Variants in FYN observed in about 807,000 individuals in gnomAD.
FYN encodes the protein FYN proto-oncogene, Src family tyrosine kinase, also known as tyrosine-protein kinase Fyn.
Under a neutral mutation model 70.2 loss-of-function variants are expected in FYN, and 10 were observed. That is an observed-to-expected ratio of 0.14 (90% confidence interval 0.09 to 0.24). The LOEUF is 0.24. Among genes scored for constraint, FYN ranks in the 10% least tolerant of loss-of-function variants. The pLI, the probability that FYN is intolerant of heterozygous loss-of-function variation, is 1.00. For missense variants in FYN, 319 were observed against 673.1 expected (o/e 0.47, Z 5.82); for synonymous variants, 236 against 248.6 (o/e 0.95, Z 0.48).
At chr6:111,795,403 G>A (rs759597540) in intron 2 of FYN, among the ~76,000 whole-genome samples, 3 of 152,154 alleles carry the variant, frequency 2.0e-5, no homozygotes, top group Non-Finnish European at 4.4e-5. Flanking sequence ...CTTTGATCTC[G>A]GACTTTTAAC....
intron 1 of FYN, among the ~76,000 whole-genome samples, chr6:111,869,030 T>C (rs1774193677): frequency 6.6e-6 from 1 of 152,362 alleles, no homozygotes; most frequent in East Asian, 1.9e-4. Flanking sequence ...ACTAGGCTAA[T>C]GTCTGCAGAA....
chr6:111,685,792 C>T (rs1998038), intron 12 of FYN, among the ~76,000 whole-genome samples: 57,337 of 152,016 alleles, frequency 0.38, 11,755 homozygotes, highest in Admixed American at 0.49. Flanking sequence ...CATAAACAAC[C>T]ATCAAAAGGC....
At chr6:111,672,764 G>A (rs1445144388) in intron 13 of FYN, among the ~76,000 whole-genome samples, 5 of 152,140 alleles carry the variant, frequency 3.3e-5, no homozygotes, top group South Asian at 4.1e-4. Context: ...CTATCTCCCC[G>A]ATAGAGGAAA....
intron 13 of FYN, among the ~76,000 whole-genome samples, chr6:111,673,413 A>T (rs1798384752): frequency 6.6e-6 from 1 of 152,120 alleles, no homozygotes; most frequent in African/African-American, 2.4e-5. Flanking sequence ...TAGGAGTCTC[A>T]AGGCTACACC....
intron 12 of FYN, among the ~76,000 whole-genome samples, chr6:111,682,952 GC>G (rs2128419621): frequency 6.6e-6 from 1 of 152,294 alleles, no homozygotes; most frequent in Non-Finnish European, 1.5e-5. Context: ...AGTTGCACTG[GC>G]AAATGCCATC....
At chr6:111,852,934 C>T (rs751481329) in intron 1 of FYN, among the ~76,000 whole-genome samples, 2 of 152,160 alleles carry the variant, frequency 1.3e-5, no homozygotes, top group Admixed American at 6.5e-5. Flanking sequence ...AACAGTAGCA[C>T]GTTCCACAAA....
At chr6:111,699,830 C>T in intron 9 of FYN, 1 of 743,728 alleles carries the variant, frequency 1.3e-6, no homozygotes. Flanking sequence ...CTGGAACATT[C>T]CTTGGACCAT....
intron 3 of FYN, among the ~76,000 whole-genome samples, chr6:111,748,561 C>T (rs1257061424): frequency 6.6e-6 from 1 of 152,170 alleles, no homozygotes; most frequent in Non-Finnish European, 1.5e-5. Flanking sequence ...GGTTAGGGGC[C>T]TGTGGTTTGG....
intron 2 of FYN, among the ~76,000 whole-genome samples, chr6:111,807,896 TC>T (rs1274971237): frequency 6.6e-6 from 1 of 151,992 alleles, no homozygotes; most frequent in Non-Finnish European, 1.5e-5. Flanking sequence ...AATCACAAGG[TC>T]AGGAGTTCAA....
intron 2 of FYN, among the ~76,000 whole-genome samples, chr6:111,837,477 G>A (rs898774423): frequency 2.6e-5 from 4 of 152,024 alleles, no homozygotes; most frequent in African/African-American, 7.2e-5. Flanking sequence ...AAAACAATAC[G>A]GACAGGTGCC....
intron 2 of FYN, among the ~76,000 whole-genome samples, chr6:111,830,695 G>A (rs1253161701): frequency 1.3e-5 from 2 of 151,978 alleles, no homozygotes; most frequent in African/African-American, 4.8e-5. Context: ...TTGTTCCAAG[G>A]GAACTGTCTA....
At chr6:111,699,913 C>CT (rs71021861) in intron 9 of FYN, 191 bp downstream of exon 9, 5,742 of 186,112 alleles carry the variant, frequency 0.031, 52 homozygotes, top group African/African-American at 0.037. Flanking sequence ...CACTTACTAT[C>CT]TTTTTTTTTT....
rs372473773 is a variant in FYN, at chr6:111,844,162, C to A, written c.-82+2427G>T. On this transcript the variant is annotated intron_variant, in intron 2 of 13. Transcript: ENST00000354650. ...AACATAGATGATATAAAGCACTCTG[C>A]ATAGCAGAAGTTCAATAAACCATAG... Among the ~76,000 whole-genome samples the A allele has an allele frequency of 5.6e-4, 85 of 152,302 alleles. 1 individual carries two copies. The highest frequency in any genetic ancestry group is 1.9e-3 in the African/African-American group (81 of 41,560).
At chr6:111,738,829 A>G (rs1801820038) in intron 3 of FYN, among the ~76,000 whole-genome samples, 1 of 152,196 alleles carries the variant, frequency 6.6e-6, no homozygotes, top group African/African-American at 2.4e-5. Context: ...GCTGGCCTTT[A>G]TTAAGCAATA....
At chr6:111,776,848 C>T (rs1770962365) in intron 3 of FYN, among the ~76,000 whole-genome samples, 1 of 152,190 alleles carries the variant, frequency 6.6e-6, no homozygotes, top group African/African-American at 2.4e-5. Context: ...TATTAGGCTA[C>T]AAAAGCTCTC....
At chr6:111,711,529 C>T (rs1800379048) in intron 5 of FYN, among the ~76,000 whole-genome samples, 2 of 152,198 alleles carry the variant, frequency 1.3e-5, no homozygotes, top group South Asian at 2.1e-4. Flanking sequence ...GCAGGAACAC[C>T]GCCTCTGGGT....
intron 12 of FYN, among the ~76,000 whole-genome samples, chr6:111,678,105 AAT>A (rs750702875): frequency 0.042 from 2,525 of 59,570 alleles, 50 homozygotes; most frequent in African/African-American, 0.14. Flanking sequence ...CGAAGGCCAT[AAT>A]ATGTGTGTGT....
At chr6:111,671,101 C>T (rs1402295816) in intron 13 of FYN, among the ~76,000 whole-genome samples, 2 of 152,190 alleles carry the variant, frequency 1.3e-5, no homozygotes, top group Non-Finnish European at 2.9e-5. Flanking sequence ...TTACACATCT[C>T]GAAAGCAACC....
intron 2 of FYN, among the ~76,000 whole-genome samples, chr6:111,834,242 G>GGTTGTGAGGAAAGAGAAAACACAGTAGGC (rs1773109104): frequency 6.6e-6 from 1 of 152,086 alleles, no homozygotes; most frequent in Non-Finnish European, 1.5e-5. Context: ...ACTCACAGGG[G>GGTTGTGAGGAAAGAGAAAACACAGTAGGC]CTTCCAAGCT....
Sources: gnomAD v4.1 joint callset for allele counts (sites outside exome capture counted in the v4.1 genomes callset) on GRCh38, gnomAD v4.1.1 for gene constraint, MANE v1.5 for transcripts, NCBI Gene and HGNC (gene_info 2026-07-23, HGNC 2026-07-21) for gene names.